The following CARS1 variants were observed in gnomAD, a reference collection of about 807,000 sequenced individuals.
CARS1 encodes cysteine--tRNA ligase, cytoplasmic.
CARS1 carries 48 observed loss-of-function variants against 106.2 expected under a neutral mutation model. The ratio of observed to expected loss-of-function variants is 0.45; its 90% CI spans 0.36 to 0.57. CARS1 has a LOEUF of 0.57. CARS1 is among the 20% of genes least tolerant of loss of function. CARS1 has a pLI of 0.00. For missense variants in CARS1, 968 were observed against 1,057.2 expected (o/e 0.92, Z 1.17); for synonymous variants, 409 against 403.4 (o/e 1.01, Z -0.17).
chr11:3,013,581 T>C (rs1850709799), intron 17 of CARS1, among the ~76,000 whole-genome samples: 1 of 152,044 alleles, frequency 6.6e-6, no homozygotes, highest in African/African-American at 2.4e-5. Flanking sequence ...CTGGGCGCGG[T>C]GACTCACAAC....
In CARS1 at chr11:3,019,319, CCTTT is replaced by C. The variant is rs754657603; in HGVS notation, c.1267-56_1267-53del. The C allele has an allele frequency of 3.8e-5, 51 of 1,355,458 alleles. No homozygotes were observed. The highest frequency in any genetic ancestry group is 4.8e-5 in the Non-Finnish European group (50 of 1,046,288). 84.0% of individuals were successfully genotyped at this position (1,355,458 alleles called of 1,614,324 possible). A position where few individuals can be genotyped will look rare whatever the true frequency, so the allele number is the denominator to read the frequency against. On this transcript the variant is annotated intron_variant, in intron 11 of 22. Coordinates refer to ENST00000380525, the MANE Select transcript of CARS1 (RefSeq NM_001014437.3). The surrounding 1 kb of genome is among the most constrained non-coding windows in gnomAD (Gnocchi z 6.2). ...TGACCAGCCTACCCGCTTGTCCAGG[CCTTT>C]ATCACTTATCACTCCAAGTTGATGG...
rs1028480729 is a variant in CARS1, at chr11:3,021,545, A to G, written c.1154-1213T>C. Among the ~76,000 whole-genome samples the G allele has an allele frequency of 5.3e-5, 8 of 152,350 alleles. No homozygotes were observed. Among genetic ancestry groups the G allele is most frequent in the Admixed American group, 3.9e-4 (6 of 15,304 alleles). ...GAGAAACAGAGTCCAGAGGAAAAGC[A>G]CCGCTAAATATATTTTTCTAAACAC... On this transcript the variant is annotated intron_variant, in intron 10 of 22. Coordinates refer to ENST00000380525, the MANE Select transcript of CARS1 (RefSeq NM_001014437.3). This position sits in a 1 kb window ranked among gnomAD's most constrained non-coding sequence, Gnocchi z 5.3.
intron 9 of CARS1, 91 bp from the exon 10 acceptor site, chr11:3,026,888 A>G: frequency 6.9e-7 from 1 of 1,448,822 alleles, no homozygotes; most frequent in South Asian, 1.3e-5. Flanking sequence ...GCAGGGCTAT[A>G]AAAGTGCGAA....
intron 17 of CARS1, among the ~76,000 whole-genome samples, chr11:3,014,154 T>C (rs1850767122): frequency 6.6e-6 from 1 of 152,092 alleles, no homozygotes; most frequent in Non-Finnish European, 1.5e-5. Context: ...ACCCCACTGC[T>C]AGGCTCAGTT....
intron 19 of CARS1, among the ~76,000 whole-genome samples, chr11:3,005,693 C>A (rs970243106): frequency 6.9e-5 from 10 of 145,620 alleles, no homozygotes; most frequent in Middle Eastern, 7.5e-3. Flanking sequence ...AGTGCAGTGG[C>A]ACGATCTCAG....
intron 22 of CARS1, 21 bp from the exon 23 acceptor site, chr11:3,001,269 G>A (rs374856531): frequency 1.4e-4 from 222 of 1,611,718 alleles, no homozygotes; most frequent in South Asian, 8.8e-4. Context: ...AGAGCACAGC[G>A]GCTATTGGTC....
chr11:3,018,415 A>C lies in CARS1; in HGVS notation c.1622T>G (p.Phe541Cys), dbSNP rs1851253034. The C allele has an allele frequency of 6.2e-7, 1 of 1,611,760 alleles. No homozygotes were observed. Among genetic ancestry groups the C allele is most frequent in the Non-Finnish European group, 8.5e-7 (1 of 1,177,900 alleles). Residue 541 changes from phenylalanine (F) to cysteine (C), a missense_variant, in exon 14 of 23, where the codon TTC becomes TGC. By Grantham distance (205) the Phe-to-Cys change is radical. Coordinates refer to ENST00000380525, the MANE Select transcript of CARS1 (RefSeq NM_001014437.3). ...TMESALQYEK[F>C]LNEFFLNVKD... ...AAGGGGCTGGGGACTCACATTCAAGAACTTCTCATATTGAAGCGCTGACTC... is the reference window on the plus strand; with the variant it reads ...AAGGGGCTGGGGACTCACATTCAAGCACTTCTCATATTGAAGCGCTGACTC...
At chr11:3,006,274 C>T (rs1482029932) in intron 19 of CARS1, among the ~76,000 whole-genome samples, 3 of 152,110 alleles carry the variant, frequency 2.0e-5, no homozygotes, top group African/African-American at 7.2e-5. Flanking sequence ...AGTGAAACCC[C>T]GTCTCTACTA....
At chr11:3,024,597 G>A (rs1188852162) in intron 10 of CARS1, among the ~76,000 whole-genome samples, 1 of 152,154 alleles carries the variant, frequency 6.6e-6, no homozygotes, top group Non-Finnish European at 1.5e-5. Flanking sequence ...ATAGGCACGT[G>A]CCACCACACC....
Position 3,003,522 on chromosome 11 carries a change from C to T in CARS1, c.2218-922G>A, listed in dbSNP as rs1311236443. 6.6e-6 allele frequency among the ~76,000 whole-genome samples: 1 copy of T among 152,258 alleles called. No homozygotes were observed. The highest frequency in any genetic ancestry group is 2.1e-4 in the South Asian group (1 of 4,820). On this transcript the variant is annotated intron_variant, in intron 20 of 22. Transcript: ENST00000380525. This position sits in a 1 kb window ranked among gnomAD's most constrained non-coding sequence, Gnocchi z 4.8. ...GCTACAAGATAGATGGTGGAGAAGC[C>T]GCAGGACCAGATAAGGTCTCCTGGG...
At chr11:3,010,556 C>T (rs1850351060) in intron 18 of CARS1, among the ~76,000 whole-genome samples, 1 of 152,196 alleles carries the variant, frequency 6.6e-6, no homozygotes, top group African/African-American at 2.4e-5. Context: ...GGCAAGTGCG[C>T]CCACCGCTGC....
Position 3,012,054 on chromosome 11 carries a change from T to C in CARS1, c.2068+141A>G, listed in dbSNP as rs537953360. 8.0e-6 allele frequency: 6 copies of C among 746,742 alleles called. No individual in the cohort carries two copies. The African/African-American group carries it at 8.6e-5, about 11-fold the overall frequency. 46.3% of individuals were successfully genotyped at this position (746,742 alleles called of 1,614,324 possible). ...TGGTGGGTCCAGGCCCGGGATGCCG[T>C]TCAACACCCTGTGGTGCACGGGGCA... On this transcript the variant is annotated intron_variant, in intron 18 of 22. Coordinates refer to ENST00000380525, the MANE Select transcript of CARS1 (RefSeq NM_001014437.3).
Position 3,053,249 on chromosome 11 carries a change from T to C in CARS1, c.25+4094A>G, listed in dbSNP as rs1855873303. On this transcript the variant is annotated intron_variant, in intron 1 of 22. Transcript: ENST00000380525. The surrounding 1 kb of genome is among the most constrained non-coding windows in gnomAD (Gnocchi z 6.6). Reference sequence around the variant, plus strand: ...TTTTATTTTATTTTATTTTATTTTTTGAGACGGAGTCTCGCTCGTCACCCA... The same window carrying C: ...TTTTATTTTATTTTATTTTATTTTTCGAGACGGAGTCTCGCTCGTCACCCA... 6.6e-6 allele frequency among the ~76,000 whole-genome samples: 1 copy of C among 152,178 alleles called. No homozygotes were observed. Among genetic ancestry groups the C allele is most frequent in the Non-Finnish European group, 1.5e-5 (1 of 68,040 alleles).
chr11:3,018,689 C>A lies in CARS1; in HGVS notation c.1456G>T (p.Ala486Ser). ...AGTGACTTTGACATTTTGCAGCCTG[C>A]AATGGTCAGGTGGCCTGTGTGCAGG... is the stretch of plus-strand genomic sequence containing the variant. ...YFLHTGHLTI[A>S]GCKMSKSLKN... Residue 486 changes from alanine (A) to serine (S), a missense_variant, in exon 13 of 23, where the codon GCA becomes TCA. Ala to Ser is a moderately conservative substitution (Grantham distance 99). Coordinates refer to ENST00000380525, the MANE Select transcript of CARS1 (RefSeq NM_001014437.3). 6.2e-7 allele frequency: 1 copy of A among 1,614,184 alleles called. No homozygotes were observed. Among genetic ancestry groups the A allele is most frequent in the Non-Finnish European group, 8.5e-7 (1 of 1,180,006 alleles).
At chr11:3,006,780 A>G in intron 19 of CARS1, 99 bp downstream of exon 19, 2 of 958,742 alleles carry the variant, frequency 2.1e-6, no homozygotes, top group Non-Finnish European at 3.4e-6. Context: ...TGCATCAGCA[A>G]TCATGAAGCA....
chr11:3,037,997 A>C lies in CARS1; in HGVS notation c.801+53T>G. ...TCCGTGCACACAGATCAGTCTATGC[A>C]CGGCCCGACATTTGACCCGAACGGG... On this transcript the variant is annotated intron_variant, in intron 7 of 22. Transcript: ENST00000380525. The surrounding 1 kb of genome is among the most constrained non-coding windows in gnomAD (Gnocchi z 5.9). 1.9e-6 allele frequency: 3 copies of C among 1,566,652 alleles called. No individual in the cohort carries two copies. Among genetic ancestry groups the C allele is most frequent in the Non-Finnish European group, 2.6e-6 (3 of 1,144,456 alleles).
At chr11:3,025,480 G>A (rs182431194) in intron 10 of CARS1, among the ~76,000 whole-genome samples, 152 of 152,298 alleles carry the variant, frequency 1.0e-3, no homozygotes, top group African/African-American at 3.6e-3. Flanking sequence ...CACCCACCTC[G>A]GCCTCCAAAA....
intron 17 of CARS1, 77 bp from the exon 18 acceptor site, chr11:3,012,353 C>T (rs916938898): frequency 1.1e-5 from 14 of 1,284,302 alleles, no homozygotes; most frequent in Admixed American, 5.1e-5. Context: ...GCTCAGTGGC[C>T]GCGACACAGG....
At chr11:3,013,294 A>C (rs775723103) in intron 17 of CARS1, among the ~76,000 whole-genome samples, 8 of 152,078 alleles carry the variant, frequency 5.3e-5, no homozygotes, top group Non-Finnish European at 8.8e-5. Context: ...CTGGGATTAC[A>C]GGCATGCGCC....
Sources: allele counts gnomAD v4.1 joint callset (sites outside exome capture counted in the v4.1 genomes callset), GRCh38; gene constraint gnomAD v4.1.1; non-coding constraint Gnocchi (gnomAD v3.1); transcripts MANE v1.5; gene names NCBI Gene and HGNC (gene_info 2026-07-23, HGNC 2026-07-21).